ZNF385D: variants seen among roughly 807,000 people sequenced by gnomAD.
The protein encoded by ZNF385D is zinc finger protein 659.
A neutral mutation model predicts 35.8 loss-of-function variants in ZNF385D; 15 were observed. The ratio of observed to expected loss-of-function variants is 0.42; its 90% confidence interval spans 0.28 to 0.64. The LOEUF (loss-of-function observed/expected upper bound fraction) is 0.64, where lower values mean the gene tolerates loss of function less well. ZNF385D is among the 30% of genes least tolerant of loss of function. ZNF385D has a pLI of 0.23. For missense variants in ZNF385D, 474 were observed against 494.6 expected (o/e 0.96, Z 0.39); for synonymous variants, 212 against 186.8 (o/e 1.13, Z -1.10).
chr3:21,751,351 C>T (rs1405964074), upstream of ZNF385D: 48 of 1,040,282 alleles, frequency 4.6e-5, no homozygotes, highest in African/African-American at 5.2e-5. Context: ...TGGGAAGGGG[C>T]GGAGTGAGGG....
At chr3:21,803,806 C>A (rs2072514984) in intron 3 of ZNF385D, among the ~76,000 whole-genome samples, 1 of 152,144 alleles carries the variant, frequency 6.6e-6, no homozygotes, top group Non-Finnish European at 1.5e-5. Context: ...ACCATTTGTT[C>A]CAAGTATCTT....
intron 4 of ZNF385D, among the ~76,000 whole-genome samples, chr3:21,471,830 CAAAG>C (rs759191852): frequency 7.2e-4 from 110 of 152,042 alleles, no homozygotes; most frequent in East Asian, 6.8e-3. Flanking sequence ...CTCAGAGAGA[CAAAG>C]AAAATCAATT....
At chr3:21,439,640 T>A (rs2125241999) in intron 4 of ZNF385D, among the ~76,000 whole-genome samples, 1 of 152,174 alleles carries the variant, frequency 6.6e-6, no homozygotes, top group South Asian at 2.1e-4. Context: ...AACTTTCCTA[T>A]TTATAGTGCA....
intron 1 of ZNF385D, among the ~76,000 whole-genome samples, chr3:21,708,032 G>C (rs998836829): frequency 6.6e-6 from 1 of 152,116 alleles, no homozygotes; most frequent in South Asian, 2.1e-4. Context: ...ATCTCTATGT[G>C]ACTCAGTTTC....
chr3:21,499,852 G>A (rs933037057), intron 4 of ZNF385D, among the ~76,000 whole-genome samples: 4 of 152,072 alleles, frequency 2.6e-5, no homozygotes, highest in African/African-American at 9.7e-5. Context: ...CAAAAGTAAA[G>A]CAAACTAGAG....
intron 1 of ZNF385D, among the ~76,000 whole-genome samples, chr3:21,709,474 G>A (rs1259856713): frequency 6.9e-6 from 1 of 144,398 alleles, no homozygotes; most frequent in Admixed American, 7.0e-5. Flanking sequence ...CATACCTCCT[G>A]AGGCTTCTAT....
chr3:22,329,800 A>C (rs556506816), intron 2 of ZNF385D, among the ~76,000 whole-genome samples: 21 of 152,346 alleles, frequency 1.4e-4, no homozygotes, highest in Middle Eastern at 6.8e-3. Flanking sequence ...ATTTTAACCC[A>C]ATATATACAC....
intron 3 of ZNF385D, among the ~76,000 whole-genome samples, chr3:22,124,740 C>T (rs1478688068): frequency 6.6e-6 from 1 of 152,054 alleles, no homozygotes; most frequent in Non-Finnish European, 1.5e-5. Flanking sequence ...CTATTCAGAT[C>T]TTCTGTCCAC....
chr3:22,268,906 T>C (rs1387204947), intron 2 of ZNF385D, among the ~76,000 whole-genome samples: 1 of 151,954 alleles, frequency 6.6e-6, no homozygotes, highest in Non-Finnish European at 1.5e-5. Flanking sequence ...AATGGGGTTG[T>C]GGTGAAGATA....
chr3:21,665,306 G>C (rs2066371983), intron 1 of ZNF385D, among the ~76,000 whole-genome samples: 1 of 152,058 alleles, frequency 6.6e-6, no homozygotes, highest in South Asian at 2.1e-4. Context: ...TTCCTGCCTA[G>C]AGCTCCAGAT....
intron 2 of ZNF385D, among the ~76,000 whole-genome samples, chr3:22,248,331 C>T (rs891174404): frequency 2.0e-5 from 3 of 152,160 alleles, no homozygotes; most frequent in African/African-American, 4.8e-5. Context: ...ATTGAACTTT[C>T]CTTCCTTTAT....
Position 22,039,807 on chromosome 3 carries a change from C to A in ZNF385D, c.325+129010G>T, listed in dbSNP as rs1342338455. Among the ~76,000 whole-genome samples, 3 of 151,946 alleles carry A rather than the reference C, an allele frequency of 2.0e-5. No homozygotes were observed. The East Asian group carries it at 5.8e-4, about 29-fold the overall frequency. ...TAGGAGTTGAGTTTTTCCTGGATGT[C>A]TTTCTTCTCTTTTCTTCTTCAGTAC... On this transcript the variant is annotated intron_variant, in intron 3 of 5. Transcript: ENST00000494108.
intron 3 of ZNF385D, among the ~76,000 whole-genome samples, chr3:21,927,064 G>T (rs528071423): frequency 2.6e-5 from 4 of 152,170 alleles, no homozygotes; most frequent in African/African-American, 9.6e-5. Context: ...AGTAATGAGG[G>T]AGTTCTCCCT....
At chr3:21,575,882 T>C (rs906258894) in intron 2 of ZNF385D, among the ~76,000 whole-genome samples, 5 of 152,160 alleles carry the variant, frequency 3.3e-5, no homozygotes, top group African/African-American at 7.2e-5. Flanking sequence ...TTGAGCAACA[T>C]TGAAACCCAA....
chr3:22,190,674 T>C (rs1695958506), intron 2 of ZNF385D, among the ~76,000 whole-genome samples: 1 of 152,176 alleles, frequency 6.6e-6, no homozygotes, highest in South Asian at 2.1e-4. Flanking sequence ...CATACAAAAC[T>C]GTCCCCTATG....
chr3:22,143,059 T>TTGTGTG (rs57448532), intron 3 of ZNF385D, among the ~76,000 whole-genome samples: 7,435 of 140,802 alleles, frequency 0.053, 268 homozygotes, highest in Admixed American at 0.099. Flanking sequence ...ATTAAATCGG[T>TTGTGTG]TGTGTGTGTG....
rs1382013736 is a variant in ZNF385D at position 21,415,323 on chromosome 3, G to A, written c.*5891C>T. The A allele has an allele frequency of 1.3e-5, 2 of 152,114 alleles. No individual in the cohort carries two copies. Among genetic ancestry groups the A allele is most frequent in the Admixed American group, 6.6e-5 (1 of 15,242 alleles). 9.4% of individuals were successfully genotyped at this position (152,114 alleles called of 1,614,324 possible). On this transcript the variant is annotated 3_prime_UTR_variant, in exon 8 of 8. Coordinates refer to ENST00000281523, the MANE Select transcript of ZNF385D (RefSeq NM_024697.3). ...TCAAAGTCAGTACTCAAAGTCAGTA[G>A]CTGATGTGAAATGATACAATTGTAT...
chr3:21,884,062 C>A (rs545878676), intron 3 of ZNF385D, among the ~76,000 whole-genome samples: 25 of 152,004 alleles, frequency 1.6e-4, no homozygotes, highest in South Asian at 1.2e-3. Context: ...AATATAAATG[C>A]GGATGGTTTG....
rs1696201934 is a variant in ZNF385D, at chr3:22,193,489, T to A, written c.107-24454A>T. ...GGATGCATGAGATCTAAGTACAAAT[T>A]AACTTGGAAAAATATGGGTTAAATG... On this transcript the variant is annotated intron_variant, in intron 2 of 5. Coordinates refer to the ZNF385D transcript ENST00000494108. Among the ~76,000 whole-genome samples, 3 of 152,090 alleles carry A rather than the reference T, an allele frequency of 2.0e-5. No homozygotes were observed. In the South Asian group the frequency reaches 6.2e-4, roughly 31 times the overall value.
Sources: gnomAD v4.1 joint callset for allele counts (sites outside exome capture counted in the v4.1 genomes callset) on GRCh38, gnomAD v4.1.1 for gene constraint, MANE v1.5 for transcripts, NCBI Gene and HGNC (gene_info 2026-07-23, HGNC 2026-07-21) for gene names.